The following RALGPS1 variants were observed in gnomAD, a reference collection of about 807,000 sequenced individuals.
The protein encoded by RALGPS1 is ras-specific guanine nucleotide-releasing factor RalGPS1.
RALGPS1 carries 19 observed loss-of-function variants against 78.8 expected under a neutral mutation model. The ratio of observed to expected loss-of-function variants is 0.24; its 90% CI spans 0.17 to 0.35. The LOEUF is 0.35. Among genes scored for constraint, RALGPS1 ranks in the 10% least tolerant of loss-of-function variants. RALGPS1 has a pLI of 1.00. For synonymous variants in RALGPS1, 228 were observed against 256.3 expected, an observed-to-expected ratio of 0.89 and a Z score of 1.06; for missense variants, 454 against 688.3, an observed-to-expected ratio of 0.66 and a Z score of 3.81.
At position 127,212,164 on chromosome 9, in the gene RALGPS1, C is replaced by T. The variant is rs1458640141; in HGVS notation, c.1281C>T (p.Asn427=). 6.2e-7 allele frequency: 1 copy of T among 1,613,738 alleles called. No individual in the cohort carries two copies. The highest frequency in any genetic ancestry group is 1.3e-5 in the African/African-American group (1 of 74,924). ...GCCCGTGCATCTGTTCTCTGGGGAA[C>T]TCCGCAGCTGTGCCCACCATGGAGG... The part of the protein sequence containing the change: ...PTGPCICSLG[N]SAAVPTMEGP... The change falls in exon 15 of 19, where the codon AAC becomes AAT. Residue 427 remains asparagine, a synonymous_variant. Transcript: ENST00000259351. This position sits in a 1 kb window ranked among gnomAD's most constrained non-coding sequence, Gnocchi z 6.0.
chr9:127,157,499 G>C (rs2058764804), intron 8 of RALGPS1, among the ~76,000 whole-genome samples: 1 of 151,896 alleles, frequency 6.6e-6, no homozygotes, highest in South Asian at 2.1e-4. Context: ...GTGTATACTT[G>C]ATTTTAATAA....
chr9:126,916,653 G>A (rs2034196449), intron 1 of RALGPS1, among the ~76,000 whole-genome samples: 1 of 152,156 alleles, frequency 6.6e-6, no homozygotes, highest in Non-Finnish European at 1.5e-5. Context: ...ATGGTGGCGG[G>A]CACCTGTAAT....
chr9:127,205,896 A>T lies in RALGPS1; in HGVS notation c.1248-6235A>T, dbSNP rs1403238776. The stretch of plus-strand genomic sequence containing the variant: ...TTGGATCACTGGTGTTGCCCTGTCC[A>T]CTTAGCTGTCAGAAGGATGGGGACA... On this transcript the variant is annotated intron_variant, in intron 14 of 18. Transcript: ENST00000259351. This position sits in a 1 kb window ranked among gnomAD's most constrained non-coding sequence, Gnocchi z 4.0. Among the ~76,000 whole-genome samples the T allele has an allele frequency of 1.3e-5, 2 of 152,226 alleles. No individual in the cohort carries two copies. Among genetic ancestry groups the T allele is most frequent in the Non-Finnish European group, 2.9e-5 (2 of 68,040 alleles).
chr9:127,033,542 C>A (rs953973503), intron 4 of RALGPS1, among the ~76,000 whole-genome samples: 62 of 152,194 alleles, frequency 4.1e-4, no homozygotes, highest in Non-Finnish European at 4.0e-4. Flanking sequence ...ATTAGTAATA[C>A]TGAGGCCTGG....
chr9:127,185,913 A>C (rs989250188), intron 11 of RALGPS1, among the ~76,000 whole-genome samples: 8 of 152,210 alleles, frequency 5.3e-5, no homozygotes, highest in African/African-American at 1.9e-4. Flanking sequence ...CAGGGTCATC[A>C]TTCCTGTTTT....
At chr9:126,946,930 G>A (rs538071707) in intron 1 of RALGPS1, among the ~76,000 whole-genome samples, 1 of 152,268 alleles carries the variant, frequency 6.6e-6, no homozygotes, top group African/African-American at 2.4e-5. Context: ...CAGGCACCTT[G>A]TTTTGGAAGG....
intron 14 of RALGPS1, among the ~76,000 whole-genome samples, chr9:127,199,902 AC>A (rs1206085168): frequency 6.6e-6 from 1 of 152,114 alleles, no homozygotes; most frequent in Non-Finnish European, 1.5e-5. Flanking sequence ...CCCTGGGCAC[AC>A]ACACACACGT....
Position 127,196,644 on chromosome 9 carries a change from G to A in RALGPS1, c.1195+13G>A, listed in dbSNP as rs369669620. 7.8e-5 allele frequency: 123 copies of A among 1,576,178 alleles called. No homozygotes were observed. Among genetic ancestry groups the A allele is most frequent in the Middle Eastern group, 3.4e-4 (2 of 5,844 alleles). ...GGACTCTCCCTAGGTAAGCGTCTCC[G>A]GCCTGCACATGATAGGCTGGTGGGC... is the stretch of plus-strand genomic sequence containing the variant. On this transcript the variant is annotated intron_variant, in intron 13 of 18. Transcript: ENST00000259351.
At chr9:127,003,907 T>G (rs1161170682) in intron 4 of RALGPS1, among the ~76,000 whole-genome samples, 1 of 152,204 alleles carries the variant, frequency 6.6e-6, no homozygotes, top group Non-Finnish European at 1.5e-5. Context: ...CACTTTATGT[T>G]GTCAGAAGAC....
chr9:126,969,550 A>G lies in RALGPS1; in HGVS notation c.165+3599A>G, dbSNP rs969069837. Among the ~76,000 whole-genome samples the G allele has an allele frequency of 2.6e-5, 4 of 152,200 alleles. No homozygotes were observed. In the East Asian group the frequency reaches 5.8e-4, roughly 22 times the overall value. ...AGCTGTATTGCCTCTCCTTTAGAGG[A>G]CGTCATGGATCTCGCAGGCCAGTGG... is the stretch of plus-strand genomic sequence containing the variant. On this transcript the variant is annotated intron_variant, in intron 3 of 18. Coordinates refer to ENST00000259351, the MANE Select transcript of RALGPS1 (RefSeq NM_014636.3).
chr9:127,160,309 T>C (rs1469621092), intron 8 of RALGPS1, among the ~76,000 whole-genome samples: 1 of 152,202 alleles, frequency 6.6e-6, no homozygotes, highest in Non-Finnish European at 1.5e-5. Context: ...TGGACACCTC[T>C]GGTGGGGAGC....
chr9:126,979,242 TGTGTG>T (rs2040991131), intron 4 of RALGPS1, among the ~76,000 whole-genome samples: 4 of 9,700 alleles, frequency 4.1e-4, no homozygotes, highest in Middle Eastern at 0.026. Flanking sequence ...TGTATTATTA[TGTGTG>T]TGTGTGTGTG....
intron 11 of RALGPS1, chr9:127,177,810 A>G: frequency 6.5e-7 from 1 of 1,541,186 alleles, no homozygotes; most frequent in Non-Finnish European, 8.8e-7. Context: ...CTGGGCAGCT[A>G]GGAGCCAGCC....
At chr9:126,947,938 GT>G (rs940741385) in intron 1 of RALGPS1, among the ~76,000 whole-genome samples, 8 of 152,104 alleles carry the variant, frequency 5.3e-5, no homozygotes, top group Non-Finnish European at 1.0e-4. Context: ...GTTACAGAAG[GT>G]TTTTTTCCTT....
At chr9:127,140,824 G>C (rs1364819035) in intron 8 of RALGPS1, among the ~76,000 whole-genome samples, 1 of 152,220 alleles carries the variant, frequency 6.6e-6, no homozygotes, top group African/African-American at 2.4e-5. Flanking sequence ...AGAGACTTGG[G>C]CGAGGGTGGA....
intron 8 of RALGPS1, among the ~76,000 whole-genome samples, chr9:127,129,621 G>C (rs1352791844): frequency 6.6e-6 from 1 of 152,228 alleles, no homozygotes; most frequent in African/African-American, 2.4e-5. Context: ...GAGCAGGGTG[G>C]TGTCACCCCA....
At chr9:126,956,231 G>A (rs1344914017) in intron 1 of RALGPS1, among the ~76,000 whole-genome samples, 1 of 147,410 alleles carries the variant, frequency 6.8e-6, no homozygotes, top group African/African-American at 2.4e-5. Context: ...ACTCTGGGTA[G>A]GGAAGCTGTT....
intron 4 of RALGPS1, among the ~76,000 whole-genome samples, chr9:127,008,846 G>A (rs2044093710): frequency 6.6e-6 from 1 of 152,144 alleles, no homozygotes; most frequent in Non-Finnish European, 1.5e-5. Flanking sequence ...CATAATCAAT[G>A]CTCAGGAAAT....
At chr9:126,918,447 C>T (rs1434510794) in intron 1 of RALGPS1, among the ~76,000 whole-genome samples, 4 of 152,072 alleles carry the variant, frequency 2.6e-5, no homozygotes, top group Non-Finnish European at 4.4e-5. Flanking sequence ...AATGATCCTC[C>T]CACCGTAGCC....
Sources: allele counts gnomAD v4.1 joint callset (sites outside exome capture counted in the v4.1 genomes callset), GRCh38; gene constraint gnomAD v4.1.1; non-coding constraint Gnocchi (gnomAD v3.1); transcripts MANE v1.5; gene names NCBI Gene and HGNC (gene_info 2026-07-23, HGNC 2026-07-21).